The following NCKAP5 variants were observed in gnomAD, a reference collection of about 807,000 sequenced individuals.
NCKAP5 encodes the protein NCK associated protein 5, also known as nck-associated protein 5.
Under a neutral mutation model 167.0 loss-of-function variants are expected in NCKAP5, and 92 were observed. That is an observed-to-expected ratio of 0.55 (90% CI 0.47 to 0.66). The LOEUF (loss-of-function observed/expected upper bound fraction) is 0.66, where lower values mean the gene tolerates loss of function less well. NCKAP5 is among the 30% of genes least tolerant of loss of function. The pLI, the probability that NCKAP5 is intolerant of heterozygous loss-of-function variation, is 0.00. For synonymous variants in NCKAP5, 891 were observed against 877.4 expected, an observed-to-expected ratio of 1.02 and a Z score of -0.27; for missense variants, 2,378 against 2,315.0, an observed-to-expected ratio of 1.03 and a Z score of -0.56.
chr2:133,596,961 AG>A, the NCKAP5 span, among the ~76,000 whole-genome samples: 1 of 152,194 alleles, frequency 6.6e-6, no homozygotes, highest in Non-Finnish European at 1.5e-5. Context: ...CTTTCCTCTT[AG>A]TTGCTGCAGG....
At position 133,303,087 on chromosome 2, in the gene NCKAP5, G is replaced by GTATT; in HGVS notation, c.89_92dup (p.Tyr31Ter). 1 of 1,592,698 alleles carries GTATT rather than the reference G, an allele frequency of 6.3e-7. No individual in the cohort carries two copies. Among genetic ancestry groups the GTATT allele is most frequent in the Non-Finnish European group, 8.6e-7 (1 of 1,168,838 alleles). On this transcript the variant is annotated stop_gained and frameshift_variant, in exon 4 of 20. Coordinates refer to ENST00000409261, the MANE Select transcript of NCKAP5 (RefSeq NM_207363.3). LOFTEE classifies it high-confidence loss of function. ...CAAGCTGAGTCAGCAGATGCTCAAT[G>GTATT]TATTTATTGGAGTCCATGTATTCCT...
rs1222328081 is a variant in NCKAP5, at chr2:133,447,445, TTCTC to T, written c.69+70009_69+70012del. Among the ~76,000 whole-genome samples, 6 of 151,458 alleles carry T rather than the reference TTCTC, an allele frequency of 4.0e-5. 1 individual carries two copies. Among genetic ancestry groups the T allele is most frequent in the South Asian group, 4.2e-4 (2 of 4,752 alleles). ...CCCTTTCTTTTTATTTCCTTTTTTCTTCTCTCTCTCTCCTTCCTTTCCCCTTCCT... is the reference window on the plus strand; with the variant it reads ...CCCTTTCTTTTTATTTCCTTTTTTCTTCTCTCTCCTTCCTTTCCCCTTCCT... On this transcript the variant is annotated intron_variant, in intron 3 of 19. Coordinates refer to ENST00000409261, the MANE Select transcript of NCKAP5 (RefSeq NM_207363.3).
intron 5 of NCKAP5, among the ~76,000 whole-genome samples, chr2:133,189,507 C>T (rs1201912628): frequency 6.6e-6 from 1 of 152,130 alleles, no homozygotes; most frequent in Non-Finnish European, 1.5e-5. Context: ...ACCAATATCC[C>T]TGATGAACAT....
chr2:132,892,271 C>T (rs921090552), intron 8 of NCKAP5, among the ~76,000 whole-genome samples: 11 of 152,184 alleles, frequency 7.2e-5, no homozygotes, highest in African/African-American at 1.4e-4. Flanking sequence ...CTTCCAGATG[C>T]CCATTTATCA....
At chr2:133,663,930 C>G in the NCKAP5 span, among the ~76,000 whole-genome samples, 3 of 152,104 alleles carry the variant, frequency 2.0e-5, no homozygotes, top group African/African-American at 7.2e-5. Flanking sequence ...TTTACTTTGC[C>G]CAGATCCATC....
intron 5 of NCKAP5, among the ~76,000 whole-genome samples, chr2:133,132,257 A>C (rs1399483687): frequency 2.0e-5 from 3 of 151,170 alleles, no homozygotes; most frequent in Non-Finnish European, 4.4e-5. Context: ...ACTGCAATCC[A>C]GCATGGGTGA....
At chr2:132,729,030 G>C (rs1011386014) in intron 17 of NCKAP5, 78 bp from the exon 18 acceptor site, 5 of 1,566,144 alleles carry the variant, frequency 3.2e-6, no homozygotes, top group Non-Finnish European at 4.3e-6. Flanking sequence ...AGGTGGGGGA[G>C]ACATTCAGAA....
intron 19 of NCKAP5, among the ~76,000 whole-genome samples, chr2:132,690,272 G>A (rs1686548283): frequency 6.6e-6 from 1 of 152,178 alleles, no homozygotes; most frequent in South Asian, 2.1e-4. Flanking sequence ...CAGCATCAGT[G>A]AGCATAAGTG....
chr2:132,768,939 C>CT (rs1226877275), intron 16 of NCKAP5, among the ~76,000 whole-genome samples: 2,727 of 116,274 alleles, frequency 0.023, 78 homozygotes, highest in East Asian at 0.12. Context: ...ACACCTGGCC[C>CT]TTTTTTTTTT....
chr2:133,210,266 G>A (rs1438455060), intron 5 of NCKAP5, among the ~76,000 whole-genome samples: 2 of 151,074 alleles, frequency 1.3e-5, no homozygotes, highest in Non-Finnish European at 2.9e-5. Context: ...CTTAAAACTT[G>A]TAAGTGTAGA....
intron 3 of NCKAP5, among the ~76,000 whole-genome samples, chr2:133,407,963 G>A (rs539268018): frequency 1.3e-5 from 2 of 152,248 alleles, no homozygotes; most frequent in East Asian, 3.9e-4. Context: ...ACACTAAAAG[G>A]AACACAAAGA....
chr2:133,065,453 C>T lies in NCKAP5; in HGVS notation c.341+64525G>A, dbSNP rs553832893. Among the ~76,000 whole-genome samples the T allele has an allele frequency of 6.6e-5, 10 of 152,074 alleles. 1 individual carries two copies. In the South Asian group the frequency reaches 1.3e-3, roughly 19 times the overall value. ...CATCCTGGCCAACATGGTGAAACCC[C>T]GTCTCTACTAAAAATACAAAAATTA... is the stretch of plus-strand genomic sequence containing the variant. On this transcript the variant is annotated intron_variant, in intron 6 of 19. Transcript: ENST00000409261.
intron 5 of NCKAP5, among the ~76,000 whole-genome samples, chr2:133,150,980 T>C (rs995466749): frequency 6.6e-6 from 1 of 152,212 alleles, no homozygotes; most frequent in African/African-American, 2.4e-5. Flanking sequence ...GATCTCACTT[T>C]ATATTAAAGA....
intron 6 of NCKAP5, among the ~76,000 whole-genome samples, chr2:133,028,233 T>C (rs1370028576): frequency 2.6e-5 from 4 of 152,228 alleles, no homozygotes; most frequent in African/African-American, 9.6e-5. Flanking sequence ...TTCAAGTACA[T>C]GGATTTTCCA....
chr2:133,103,604 G>T (rs2081587842), intron 6 of NCKAP5, among the ~76,000 whole-genome samples: 1 of 152,118 alleles, frequency 6.6e-6, no homozygotes, highest in South Asian at 2.1e-4. Context: ...AACCAGCCTG[G>T]TGAAGACAGC....
At chr2:133,519,936 C>T (rs1044421485) in intron 2 of NCKAP5, among the ~76,000 whole-genome samples, 5 of 152,110 alleles carry the variant, frequency 3.3e-5, no homozygotes, top group African/African-American at 7.2e-5. Flanking sequence ...ACCTGTCATC[C>T]CAGCACTTTG....
At chr2:133,256,796 A>G (rs2088639680) in intron 4 of NCKAP5, among the ~76,000 whole-genome samples, 1 of 152,210 alleles carries the variant, frequency 6.6e-6, no homozygotes, top group Non-Finnish European at 1.5e-5. Flanking sequence ...ATTTATTAAC[A>G]TAAATGTGCT....
intron 6 of NCKAP5, among the ~76,000 whole-genome samples, chr2:133,103,980 C>CTT (rs71398584): frequency 5.4e-5 from 8 of 149,232 alleles, no homozygotes; most frequent in Non-Finnish European, 8.9e-5. Flanking sequence ...ACTGAGGTGA[C>CTT]TTTTTTTTTT....
intron 5 of NCKAP5, among the ~76,000 whole-genome samples, chr2:133,167,822 T>C (rs1275833216): frequency 6.6e-6 from 1 of 152,186 alleles, no homozygotes; most frequent in East Asian, 1.9e-4. Context: ...AATTTTCTTT[T>C]TACTTCCATG....
Sources: allele counts gnomAD v4.1 joint callset (sites outside exome capture counted in the v4.1 genomes callset), GRCh38; gene constraint gnomAD v4.1.1; transcripts MANE v1.5; gene names NCBI Gene and HGNC (gene_info 2026-07-23, HGNC 2026-07-21).